CHM: variants seen among roughly 807,000 people sequenced by gnomAD.
CHM encodes rab proteins geranylgeranyltransferase component A 1.
In CHM, 10 loss-of-function variants were observed where a neutral mutation model predicts 49.0. The observed-to-expected ratio is 0.20, with a 90% CI of 0.13 to 0.35. CHM has a LOEUF of 0.35. CHM is among the 10% of genes least tolerant of loss of function. The pLI is 1.00. For missense variants in CHM, 455 were observed against 478.4 expected (o/e 0.95, Z 0.46); for synonymous variants, 184 against 167.5 (o/e 1.10, Z -0.76).
chrX:85,976,144 G>T (rs1931241795), intron 4 of CHM, among the ~76,000 whole-genome samples: 1 of 111,113 alleles, frequency 9.0e-6, no homozygotes, highest in Non-Finnish European at 1.9e-5. Flanking sequence ...TTTAACTTTT[G>T]CCTGAAGACA....
At chrX:86,030,950 C>T (rs1041474002) in intron 1 of CHM, among the ~76,000 whole-genome samples, 4 of 109,567 alleles carry the variant, frequency 3.7e-5, no homozygotes, top group African/African-American at 9.9e-5. Flanking sequence ...TTAATAACCA[C>T]GTAATATTCC....
chrX:85,881,581 T>C (rs891324842), intron 12 of CHM, among the ~76,000 whole-genome samples: 5 of 111,832 alleles, frequency 4.5e-5, no homozygotes, highest in Non-Finnish European at 7.5e-5. Context: ...AGAGCTCGAA[T>C]TGAAGCCCAT....
intron 12 of CHM, among the ~76,000 whole-genome samples, chrX:85,886,711 A>T (rs773921482): frequency 1.8e-5 from 2 of 110,262 alleles, no homozygotes; most frequent in Admixed American, 9.8e-5. Context: ...GACGTCAGTG[A>T]CTCTCAATTA....
intron 2 of CHM, among the ~76,000 whole-genome samples, chrX:86,005,733 T>A (rs1302444371): frequency 1.8e-5 from 2 of 111,796 alleles, no homozygotes; most frequent in East Asian, 2.8e-4. Flanking sequence ...AATCTCTGAA[T>A]AGACCAATAA....
intron 2 of CHM, among the ~76,000 whole-genome samples, chrX:86,003,100 G>A (rs1260129415): frequency 8.9e-6 from 1 of 112,050 alleles, no homozygotes; most frequent in African/African-American, 3.3e-5. Context: ...GCCTCCGCTG[G>A]TGATACCCAG....
intron 1 of CHM, among the ~76,000 whole-genome samples, chrX:86,045,123 A>G (rs765691874): frequency 8.6e-4 from 96 of 112,111 alleles, no homozygotes; most frequent in Non-Finnish European, 9.4e-4. Context: ...ATCTGCTAAA[A>G]AGTATATCTA....
At chrX:85,973,934 G>A (rs1931108400) in intron 4 of CHM, among the ~76,000 whole-genome samples, 1 of 111,883 alleles carries the variant, frequency 8.9e-6, no homozygotes, top group East Asian at 2.8e-4. Flanking sequence ...AAAGCAGCCA[G>A]TGAAAAGAAA....
At chrX:85,973,328 AAAAGAAAG>A (rs1569233634) in intron 4 of CHM, among the ~76,000 whole-genome samples, 7 of 101,523 alleles carry the variant, frequency 6.9e-5, no homozygotes, top group African/African-American at 2.5e-4. Flanking sequence ...AAAAAAAAAA[AAAAGAAAG>A]AAAGAAAGAA....
chrX:85,957,732 T>C, intron 7 of CHM, 123 bp downstream of exon 7: 1 of 826,327 alleles, frequency 1.2e-6, no homozygotes, highest in Non-Finnish European at 1.7e-6. Context: ...GCTAACCTAT[T>C]GATAGTGCAG....
At chrX:85,984,471 T>C (rs1931802790) in intron 2 of CHM, among the ~76,000 whole-genome samples, 2 of 111,546 alleles carry the variant, frequency 1.8e-5, no homozygotes, top group Admixed American at 1.9e-4. Context: ...TACCTGGTAT[T>C]GATGTGGATG....
chrX:85,975,576 C>T (rs1194679884), intron 4 of CHM, among the ~76,000 whole-genome samples: 1 of 111,963 alleles, frequency 8.9e-6, no homozygotes, highest in African/African-American at 3.2e-5. Context: ...CTATACAGTT[C>T]CATTTACATA....
At chrX:86,046,953 C>A (rs944167994) in intron 1 of CHM, among the ~76,000 whole-genome samples, 2 of 111,772 alleles carry the variant, frequency 1.8e-5, no homozygotes, top group African/African-American at 6.5e-5. Context: ...AATCCGTTTA[C>A]TTTCCCTAGT....
chrX:85,950,258 A>G (rs1438205308), intron 8 of CHM, among the ~76,000 whole-genome samples: 1 of 107,097 alleles, frequency 9.3e-6, no homozygotes, highest in Non-Finnish European at 1.9e-5. Context: ...TAGAAACAAT[A>G]CACGGCAATA....
chrX:86,006,197 T>C (rs1216360615), intron 2 of CHM, among the ~76,000 whole-genome samples: 1 of 111,518 alleles, frequency 9.0e-6, no homozygotes. Context: ...GAAAAGGCCT[T>C]TGACAAAATT....
intron 8 of CHM, among the ~76,000 whole-genome samples, chrX:85,926,197 G>A (rs1928068645): frequency 9.0e-6 from 1 of 110,833 alleles, no homozygotes. Context: ...GCAAGTAAGA[G>A]CTCATATAAA....
At chrX:86,023,817 A>C (rs1157873957) in intron 2 of CHM, among the ~76,000 whole-genome samples, 2 of 111,677 alleles carry the variant, frequency 1.8e-5, no homozygotes, top group Non-Finnish European at 3.8e-5. Context: ...CCATTAACAA[A>C]AAAAAAAATC....
intron 13 of CHM, among the ~76,000 whole-genome samples, chrX:85,874,171 G>A: frequency 9.0e-6 from 1 of 111,511 alleles, no homozygotes; most frequent in Non-Finnish European, 1.9e-5. Context: ...TTATAAAAAG[G>A]TCCAACATTA....
At chrX:85,918,688 A>G (rs1164463318) in intron 8 of CHM, among the ~76,000 whole-genome samples, 2 of 112,331 alleles carry the variant, frequency 1.8e-5, no homozygotes, top group African/African-American at 6.5e-5. Flanking sequence ...CATAGGCTCA[A>G]AGTAAACAGT....
chrX:85,943,759 G>A (rs1929256039), intron 8 of CHM, among the ~76,000 whole-genome samples: 1 of 111,383 alleles, frequency 9.0e-6, no homozygotes, highest in Non-Finnish European at 1.9e-5. Flanking sequence ...AAATATAATA[G>A]GTGAGTCAAG....
Sources: gnomAD v4.1 joint callset for allele counts (sites outside exome capture counted in the v4.1 genomes callset) on GRCh38, gnomAD v4.1.1 for gene constraint, MANE v1.5 for transcripts, NCBI Gene and HGNC (gene_info 2026-07-23, HGNC 2026-07-21) for gene names.